BMPR2: variants seen among roughly 807,000 people sequenced by gnomAD.
BMPR2 encodes bone morphogenetic protein receptor type 2.
BMPR2 carries 29 observed loss-of-function variants against 100.8 expected under a neutral mutation model. The observed-to-expected ratio is 0.29, with a 90% CI of 0.21 to 0.39. The LOEUF (loss-of-function observed/expected upper bound fraction) is 0.39. BMPR2 is among the 10% of genes least tolerant of loss of function. The probability of loss-of-function intolerance (pLI) is 1.00; values close to 1 mark genes in which losing one functional copy is unlikely to be tolerated. For synonymous variants in BMPR2, 382 were observed against 442.3 expected (o/e 0.86, Z 1.71); for missense variants, 1,011 against 1,274.5 (o/e 0.79, Z 3.15).
At chr2:202,552,431 C>A (rs570957331) in intron 10 of BMPR2, among the ~76,000 whole-genome samples, 21 of 152,324 alleles carry the variant, frequency 1.4e-4, no homozygotes, top group Admixed American at 1.2e-3. Flanking sequence ...ACTGAATTAG[C>A]AACAATGACC....
chr2:202,385,373 T>TC lies in BMPR2; in HGVS notation c.76+7823_76+7824insC, dbSNP rs1423135049. On this transcript the variant is annotated intron_variant, in intron 1 of 12. Transcript: ENST00000374580. ...TAAAAAAAAGATGCTTTTTTTTTTT[T>TC]TTTTTTTTTTGAGACGGAGTCTCGC... 2.1e-5 allele frequency among the ~76,000 whole-genome samples: 3 copies of TC among 143,894 alleles called. No homozygotes were observed. The East Asian group carries it at 5.9e-4, about 28-fold the overall frequency. 94.4% of individuals were successfully genotyped at this position (143,894 alleles called of 152,430 possible). A position where few individuals can be genotyped will look rare whatever the true frequency, so the allele number is the denominator to read the frequency against.
chr2:202,544,383 C>T (rs2106033029), intron 10 of BMPR2, among the ~76,000 whole-genome samples: 1 of 152,162 alleles, frequency 6.6e-6, no homozygotes, highest in Admixed American at 6.5e-5. Context: ...TTATCTTGCC[C>T]TCACACTCGA....
rs1263803589 is a variant in BMPR2 at position 202,560,130 on chromosome 2, T to A, written c.*184T>A. 7 of 771,758 alleles carry A rather than the reference T, an allele frequency of 9.1e-6. No homozygotes were observed. The East Asian group carries it at 1.6e-4, about 18-fold the overall frequency. 47.8% of individuals were successfully genotyped at this position (771,758 alleles called of 1,614,324 possible). On this transcript the variant is annotated 3_prime_UTR_variant, in exon 13 of 13. Coordinates refer to ENST00000374580, the MANE Select transcript of BMPR2 (RefSeq NM_001204.7). The stretch of plus-strand genomic sequence containing the variant: ...AATTTAGCTTATGCTTCCATATTTT[T>A]AAATTTTGTTTTTTAAGTTTTGCAC...
At position 202,507,802 on chromosome 2, in the gene BMPR2, C is replaced by A. The variant is rs192300813; in HGVS notation, c.419-5917C>A. 2.0e-3 allele frequency among the ~76,000 whole-genome samples: 307 copies of A among 151,506 alleles called. 4 individuals are homozygous for A. Among genetic ancestry groups the A allele is most frequent in the Admixed American group, 0.018 (278 of 15,186 alleles). ...GCAGCCTCTGCCTCCCGGGTTCAAG[C>A]GATTCTCCTGCCTCAGCCTCATGAG... On this transcript the variant is annotated intron_variant, in intron 3 of 12. Coordinates refer to ENST00000374580, the MANE Select transcript of BMPR2 (RefSeq NM_001204.7).
intron 1 of BMPR2, among the ~76,000 whole-genome samples, chr2:202,432,202 T>G (rs114656009): frequency 6.6e-6 from 1 of 150,942 alleles, no homozygotes; most frequent in Non-Finnish European, 1.5e-5. Context: ...AGAAAATTCC[T>G]TTAAGATTTG....
At chr2:202,533,602 A>C (rs539908100) in intron 9 of BMPR2, among the ~76,000 whole-genome samples, 7 of 152,238 alleles carry the variant, frequency 4.6e-5, no homozygotes, top group African/African-American at 1.7e-4. Flanking sequence ...AGGCAGGCGG[A>C]TCATGAGGTC....
At chr2:202,523,344 C>A (rs574813417) in intron 7 of BMPR2, among the ~76,000 whole-genome samples, 2 of 152,164 alleles carry the variant, frequency 1.3e-5, no homozygotes, top group Non-Finnish European at 2.9e-5. Context: ...GAACTTTAAA[C>A]AGAAATACCA....
intron 1 of BMPR2, among the ~76,000 whole-genome samples, chr2:202,457,832 C>T (rs992734305): frequency 8.6e-5 from 13 of 151,984 alleles, no homozygotes; most frequent in Admixed American, 2.6e-4. Flanking sequence ...GGGGTTCAAG[C>T]GATTCTCCTG....
intron 9 of BMPR2, among the ~76,000 whole-genome samples, chr2:202,534,221 G>GTGTA (rs1232363728): frequency 2.6e-4 from 37 of 140,738 alleles, no homozygotes; most frequent in African/African-American, 9.3e-4. Flanking sequence ...GTGTGTGTGT[G>GTGTA]TATATATATA....
At chr2:202,388,829 T>G (rs1454422068) in intron 1 of BMPR2, among the ~76,000 whole-genome samples, 1 of 152,042 alleles carries the variant, frequency 6.6e-6, no homozygotes, top group Admixed American at 6.6e-5. Context: ...AGGTTTTTAC[T>G]GTGTTCTACT....
At position 202,503,507 on chromosome 2, in the gene BMPR2, C is replaced by T. The variant is rs549654509; in HGVS notation, c.419-10212C>T. Among the ~76,000 whole-genome samples, 27 of 152,356 alleles carry T rather than the reference C, an allele frequency of 1.8e-4. 1 individual carries two copies. The South Asian group carries it at 5.2e-3, about 29-fold the overall frequency. Reference sequence around the variant, plus strand: ...CAGCCCCGGGCAATGAGGGGCTTAGCACCCAGGCCAGCAGCTGCGGAGGGT... The same window carrying T: ...CAGCCCCGGGCAATGAGGGGCTTAGTACCCAGGCCAGCAGCTGCGGAGGGT... On this transcript the variant is annotated intron_variant, in intron 3 of 12. Coordinates refer to ENST00000374580, the MANE Select transcript of BMPR2 (RefSeq NM_001204.7). The surrounding 1 kb of genome is among the most constrained non-coding windows in gnomAD (Gnocchi z 4.0).
chr2:202,404,783 C>A (rs1574430463), intron 1 of BMPR2, among the ~76,000 whole-genome samples: 1 of 152,210 alleles, frequency 6.6e-6, no homozygotes, highest in South Asian at 2.1e-4. Context: ...GTGCCCTCTT[C>A]CCTCCCTGCT....
At chr2:202,430,038 A>G (rs972175607) in intron 1 of BMPR2, among the ~76,000 whole-genome samples, 55 of 152,204 alleles carry the variant, frequency 3.6e-4, no homozygotes, top group African/African-American at 9.9e-4. Context: ...CTTTCTTCCA[A>G]TGTGGAGGCT....
At chr2:202,406,644 A>G (rs558915591) in intron 1 of BMPR2, among the ~76,000 whole-genome samples, 9 of 152,358 alleles carry the variant, frequency 5.9e-5, no homozygotes, top group Admixed American at 2.0e-4. Context: ...AGGGGAAACC[A>G]TACAGAATTG....
At chr2:202,434,712 C>T (rs1165063959) in intron 1 of BMPR2, among the ~76,000 whole-genome samples, 2 of 147,508 alleles carry the variant, frequency 1.4e-5, no homozygotes, top group Non-Finnish European at 3.0e-5. Context: ...CAACCTTGAC[C>T]TCTGGGGCTC....
At chr2:202,395,978 A>G (rs13025713) in intron 1 of BMPR2, among the ~76,000 whole-genome samples, 15,216 of 152,142 alleles carry the variant, frequency 0.1, 1,025 homozygotes, top group Non-Finnish European at 0.14. Flanking sequence ...AAAGCTTACA[A>G]TTCCTTTGAG....
chr2:202,377,655 C>A, intron 1 of BMPR2, 105 bp downstream of exon 1: 1 of 1,357,824 alleles, frequency 7.4e-7, no homozygotes, highest in South Asian at 1.2e-5. Flanking sequence ...ATGCGTCCCC[C>A]CGATCGCGGT....
At chr2:202,516,777 A>G (rs573561044) in intron 5 of BMPR2, among the ~76,000 whole-genome samples, 3 of 152,360 alleles carry the variant, frequency 2.0e-5, no homozygotes, top group East Asian at 3.9e-4. Flanking sequence ...AATTTTAGCC[A>G]TGATTAAGTG....
chr2:202,482,602 G>C (rs1168252558), intron 3 of BMPR2, among the ~76,000 whole-genome samples: 1 of 150,192 alleles, frequency 6.7e-6, no homozygotes, highest in Admixed American at 6.7e-5. Flanking sequence ...ACAGTGGCAC[G>C]ATCTCGGCTC....
Sources: gnomAD v4.1 joint callset for allele counts (sites outside exome capture counted in the v4.1 genomes callset) on GRCh38, gnomAD v4.1.1 for gene constraint, Gnocchi (gnomAD v3.1) non-coding constraint, MANE v1.5 for transcripts, NCBI Gene and HGNC (gene_info 2026-07-23, HGNC 2026-07-21) for gene names.